Variants in PPP2R5E observed in about 807,000 individuals in gnomAD.
The protein encoded by PPP2R5E is serine/threonine-protein phosphatase 2A 56 kDa regulatory subunit epsilon isoform.
PPP2R5E carries 4 observed loss-of-function variants against 65.3 expected under a neutral mutation model. The observed-to-expected ratio is 0.06, with a 90% CI of 0.03 to 0.14. The LOEUF is 0.14. Among genes scored for constraint, PPP2R5E ranks in the 10% least tolerant of loss-of-function variants. PPP2R5E has a pLI of 1.00. For synonymous variants in PPP2R5E, 183 were observed against 187.4 expected (o/e 0.98, Z 0.19); for missense variants, 274 against 556.1 (o/e 0.49, Z 5.10).
At chr14:63,504,925 C>T (rs1172612922) in intron 2 of PPP2R5E, among the ~76,000 whole-genome samples, 6 of 152,184 alleles carry the variant, frequency 3.9e-5, no homozygotes, top group Non-Finnish European at 4.4e-5. Context: ...ATATGTCTTG[C>T]ATGACTTAGG....
Position 63,375,338 on chromosome 14 carries a change from T to C in PPP2R5E, c.*671A>G, listed in dbSNP as rs138875399. On this transcript the variant is annotated 3_prime_UTR_variant, in exon 14 of 14. Transcript: ENST00000337537. The stretch of plus-strand genomic sequence containing the variant: ...GAATCCGATATTCCCTTCCCTACTA[T>C]GTTTATCACCTCTTCTCTCTTAACT... 633 of 152,720 alleles carry C rather than the reference T, an allele frequency of 4.1e-3. 2 individuals are homozygous for C. Among genetic ancestry groups the C allele is most frequent in the Non-Finnish European group, 6.9e-3 (470 of 68,002 alleles). The allele number at this position is 152,720 out of a possible 1,614,324, so 9.5% of individuals were successfully genotyped here.
chr14:63,453,613 A>C, intron 3 of PPP2R5E, 76 bp downstream of exon 3: 1 of 1,432,148 alleles, frequency 7.0e-7, no homozygotes, highest in Non-Finnish European at 9.5e-7. Context: ...CAATGACCTC[A>C]CTCTTGCAAT....
intron 2 of PPP2R5E, chr14:63,508,348 G>A (rs1021771426): frequency 2.6e-5 from 10 of 391,132 alleles, no homozygotes; most frequent in African/African-American, 8.8e-5. Context: ...GCATATATTC[G>A]CTAGTTTCAT....
chr14:63,482,434 G>C (rs1890756045), intron 2 of PPP2R5E, among the ~76,000 whole-genome samples: 1 of 152,198 alleles, frequency 6.6e-6, no homozygotes, highest in Non-Finnish European at 1.5e-5. Flanking sequence ...ATTCCAGCCT[G>C]GGTGACAGAG....
chr14:63,522,360 C>T (rs1892955699), intron 2 of PPP2R5E, among the ~76,000 whole-genome samples: 2 of 151,600 alleles, frequency 1.3e-5, no homozygotes, highest in South Asian at 2.1e-4. Flanking sequence ...TCTGCCCGGC[C>T]GCCACCCCGT....
intron 2 of PPP2R5E, among the ~76,000 whole-genome samples, chr14:63,458,942 A>G (rs747061395): frequency 6.6e-6 from 1 of 152,172 alleles, no homozygotes; most frequent in Non-Finnish European, 1.5e-5. Flanking sequence ...ACAAAAAATA[A>G]TAGGACCAGC....
At position 63,501,400 on chromosome 14, in the gene PPP2R5E, G is replaced by A. The variant is rs2006072; in HGVS notation, c.157+38129C>T. On this transcript the variant is annotated intron_variant, in intron 2 of 13. Transcript: ENST00000337537. The stretch of plus-strand genomic sequence containing the variant: ...AGCCTGGGCGACAGAGCAAGACTCC[G>A]TCTCAAAAAAAAAAAAAAAAGAAAA... Among the ~76,000 whole-genome samples the A allele has an allele frequency of 6.7e-5, 9 of 135,296 alleles. No individual in the cohort carries two copies. In the South Asian group the frequency reaches 9.2e-4, roughly 14 times the overall value. The allele number at this position is 135,296 out of a possible 152,430, so 88.8% of individuals were successfully genotyped here. A position where few individuals can be genotyped will look rare whatever the true frequency, so the allele number is the denominator to read the frequency against.
chr14:63,471,924 A>T (rs1418095366), intron 2 of PPP2R5E, among the ~76,000 whole-genome samples: 1 of 152,230 alleles, frequency 6.6e-6, no homozygotes, highest in East Asian at 1.9e-4. Flanking sequence ...TCTGTCATCT[A>T]TCTCCTCTTT....
At position 63,395,243 on chromosome 14, in the gene PPP2R5E, C is replaced by T. The variant is rs1433065454; in HGVS notation, c.723G>A (p.Leu241=). 1 of 1,610,508 alleles carries T rather than the reference C, an allele frequency of 6.2e-7. No homozygotes were observed. The highest frequency in any genetic ancestry group is 1.7e-5 in the Admixed American group (1 of 59,936). Residue 241 remains leucine (L), a synonymous_variant, in exon 7 of 14, where the codon CTG becomes CTA. Transcript: ENST00000337537. The part of the protein sequence containing the change: ...ETEHFNGVAE[L]LEILGSIING... ...GTGCTCACCTTCCTAATATTTCCAG[C>T]AGTTCAGCTACACCATTGAAGTGTT...
At chr14:63,510,891 T>C (rs1024801289) in intron 2 of PPP2R5E, among the ~76,000 whole-genome samples, 1 of 152,210 alleles carries the variant, frequency 6.6e-6, no homozygotes. Context: ...GCAGGGAACC[T>C]GTTGGGAGGC....
intron 2 of PPP2R5E, among the ~76,000 whole-genome samples, chr14:63,463,264 C>T (rs140941973): frequency 0.029 from 4,439 of 151,532 alleles, 189 homozygotes; most frequent in African/African-American, 0.098. Context: ...CTCAGCCTCC[C>T]GAGTAGCTGG....
intron 2 of PPP2R5E, among the ~76,000 whole-genome samples, chr14:63,482,703 T>C (rs1449116595): frequency 1.3e-5 from 2 of 152,126 alleles, no homozygotes; most frequent in African/African-American, 4.8e-5. Flanking sequence ...TCTGAATGCA[T>C]AAAAATCTTA....
At chr14:63,499,578 G>C (rs1891753557) in intron 2 of PPP2R5E, among the ~76,000 whole-genome samples, 1 of 152,132 alleles carries the variant, frequency 6.6e-6, no homozygotes, top group Non-Finnish European at 1.5e-5. Context: ...GCAAAAATTA[G>C]CCAGGCGTGG....
At chr14:63,483,959 T>C (rs1890842601) in intron 2 of PPP2R5E, among the ~76,000 whole-genome samples, 1 of 151,830 alleles carries the variant, frequency 6.6e-6, no homozygotes, top group African/African-American at 2.4e-5. Context: ...GGCGCGCGCC[T>C]ATAGTCCCAG....
intron 13 of PPP2R5E, among the ~76,000 whole-genome samples, chr14:63,381,011 CCT>C (rs1555354389): frequency 6.6e-6 from 1 of 152,118 alleles, no homozygotes; most frequent in Non-Finnish European, 1.5e-5. Flanking sequence ...ATCTCTGGGT[CCT>C]CTAAGGTCCA....
chr14:63,482,493 T>C (rs1890762288), intron 2 of PPP2R5E, among the ~76,000 whole-genome samples: 1 of 152,070 alleles, frequency 6.6e-6, no homozygotes, highest in East Asian at 1.9e-4. Context: ...ACTGTTGCCA[T>C]GAGTCACGCG....
At chr14:63,407,597 G>T (rs1227892161) in intron 5 of PPP2R5E, among the ~76,000 whole-genome samples, 1 of 151,960 alleles carries the variant, frequency 6.6e-6, no homozygotes, top group Non-Finnish European at 1.5e-5. Context: ...AGGAAGTGAA[G>T]ATCATCACAC....
At chr14:63,461,822 A>G (rs1470750411) in intron 2 of PPP2R5E, among the ~76,000 whole-genome samples, 1 of 146,660 alleles carries the variant, frequency 6.8e-6, no homozygotes, top group African/African-American at 2.7e-5. Context: ...AATAAAAAGG[A>G]GGGTTAGCAA....
At chr14:63,407,675 T>C (rs1483417966) in intron 5 of PPP2R5E, among the ~76,000 whole-genome samples, 1 of 152,192 alleles carries the variant, frequency 6.6e-6, no homozygotes, top group Non-Finnish European at 1.5e-5. Flanking sequence ...TTAATGCATA[T>C]TGCTATAGTC....
Sources: allele counts gnomAD v4.1 joint callset (sites outside exome capture counted in the v4.1 genomes callset), GRCh38; gene constraint gnomAD v4.1.1; transcripts MANE v1.5; gene names NCBI Gene and HGNC (gene_info 2026-07-23, HGNC 2026-07-21).